CMYA5: variants seen among roughly 807,000 people sequenced by gnomAD.
CMYA5 encodes the protein cardiomyopathy associated 5.
CMYA5 carries 246 observed loss-of-function variants against 318.9 expected under a neutral mutation model. The observed-to-expected ratio is 0.77, with a 90% CI of 0.70 to 0.86. The LOEUF (loss-of-function observed/expected upper bound fraction) is 0.86. CMYA5 is among the 40% of genes least tolerant of loss of function. The pLI, the probability that CMYA5 is intolerant of heterozygous loss-of-function variation, is 0.00. For synonymous variants in CMYA5, 1,641 were observed against 1,729.5 expected, an observed-to-expected ratio of 0.95 and a Z score of 1.27; for missense variants, 4,589 against 4,678.2, an observed-to-expected ratio of 0.98 and a Z score of 0.56.
At position 79,799,432 on chromosome 5, in the gene CMYA5, TG is replaced by T; in HGVS notation, c.12029del (p.Gly4010AlafsTer51). On this transcript the variant is annotated frameshift_variant, in exon 13 of 13. Transcript: ENST00000446378. LOFTEE classifies it high-confidence loss of function. The stretch of plus-strand genomic sequence containing the variant: ...CATGTGACTGAGCGTCCAGCCAGAG[TG>T]GGCATCCTGCTGGACTACAACAACC... Reference protein sequence around the residue: ...DVHVTERPARVGILLDYNNQR... With the variant: ...DVHVTERPARXGILLDYNNQR... 6.2e-7 allele frequency: 1 copy of T among 1,613,802 alleles called. No individual in the cohort carries two copies. The highest frequency in any genetic ancestry group is 1.1e-5 in the South Asian group (1 of 91,068).
At position 79,729,747 on chromosome 5, in the gene CMYA5, G is replaced by A. The variant is rs1420138832; in HGVS notation, c.982G>A (p.Ala328Thr). 1.2e-6 allele frequency: 2 copies of A among 1,613,924 alleles called. No homozygotes were observed. Among genetic ancestry groups the A allele is most frequent in the South Asian group, 1.1e-5 (1 of 91,074 alleles). ...FSHEDQKKIY[A>T]DSPLNATSAL... ...TCATGAAGATCAAAAGAAAATTTAT[G>A]CTGATTCTCCCCTAAATGCCACATC... The change falls in exon 2 of 13, where the codon GCT becomes ACT. Residue 328 changes from alanine to threonine, a missense_variant. Transcript: ENST00000446378.
intron 6 of CMYA5, among the ~76,000 whole-genome samples, chr5:79,756,042 T>C (rs188217003): frequency 2.0e-5 from 3 of 152,268 alleles, no homozygotes; most frequent in African/African-American, 7.2e-5. Flanking sequence ...TCTCAAATAC[T>C]GCTTCAAAGA....
chr5:79,753,086 G>A (rs977982726), intron 6 of CMYA5, among the ~76,000 whole-genome samples: 1 of 151,716 alleles, frequency 6.6e-6, no homozygotes, highest in Non-Finnish European at 1.5e-5. Context: ...TTTAAAAATA[G>A]GATTTCTCTC....
intron 1 of CMYA5, among the ~76,000 whole-genome samples, chr5:79,708,262 A>G (rs966522047): frequency 1.3e-5 from 2 of 152,208 alleles, no homozygotes; most frequent in Admixed American, 6.5e-5. Flanking sequence ...AATGACACAT[A>G]GTTTCTGTCT....
intron 9 of CMYA5, among the ~76,000 whole-genome samples, chr5:79,769,695 G>A (rs554326055): frequency 3.3e-5 from 5 of 152,230 alleles, no homozygotes; most frequent in East Asian, 1.9e-4. Context: ...AGAGGCACCC[G>A]CCAGATGCCA....
chr5:79,735,275 G>A lies in CMYA5; in HGVS notation c.6510G>A (p.Lys2170=). The stretch of plus-strand genomic sequence containing the variant: ...CTAAGCCGGACCTTCCTGAGGAAAA[G>A]GGAAAGAAAGGAATTTCATCTTTCA... ...KVAKPDLPEE[K]GKKGISSFKS... is the part of the protein sequence containing the mutation. Residue 2170 remains lysine, a synonymous_variant, in exon 2 of 13, where the codon AAG becomes AAA. Coordinates refer to ENST00000446378, the MANE Select transcript of CMYA5 (RefSeq NM_153610.5). The A allele has an allele frequency of 6.2e-7, 1 of 1,613,826 alleles. No individual in the cohort carries two copies. Among genetic ancestry groups the A allele is most frequent in the South Asian group, 1.1e-5 (1 of 91,070 alleles).
intron 9 of CMYA5, among the ~76,000 whole-genome samples, chr5:79,776,536 T>C (rs1051903840): frequency 6.6e-6 from 1 of 152,146 alleles, no homozygotes; most frequent in African/African-American, 2.4e-5. Context: ...TGATTATTTT[T>C]CCCAACCTAA....
At chr5:79,708,181 G>A (rs1299446494) in intron 1 of CMYA5, among the ~76,000 whole-genome samples, 1 of 152,194 alleles carries the variant, frequency 6.6e-6, no homozygotes, top group Non-Finnish European at 1.5e-5. Flanking sequence ...AGGCTGCTCT[G>A]AAGTCAAAAA....
intron 9 of CMYA5, among the ~76,000 whole-genome samples, chr5:79,778,811 C>CTGTGTGTGTGTGTGTGTGTA (rs1554037556): frequency 8.8e-4 from 75 of 84,964 alleles, no homozygotes; most frequent in Admixed American, 2.5e-3. Context: ...CTCTCTCTTT[C>CTGTGTGTGTGTGTGTGTGTA]TGTGTGTGTG....
At chr5:79,756,271 A>G (rs1828526599) in intron 6 of CMYA5, among the ~76,000 whole-genome samples, 1 of 152,134 alleles carries the variant, frequency 6.6e-6, no homozygotes, top group African/African-American at 2.4e-5. Flanking sequence ...CTTAGCATGC[A>G]GTTCGCTCCT....
At chr5:79,757,968 G>A (rs1402869134) in intron 6 of CMYA5, among the ~76,000 whole-genome samples, 1 of 152,212 alleles carries the variant, frequency 6.6e-6, no homozygotes, top group African/African-American at 2.4e-5. Context: ...GGTGGCTCAC[G>A]CCTGTAATCC....
At chr5:79,693,412 C>T (rs1463144325) in intron 1 of CMYA5, among the ~76,000 whole-genome samples, 1 of 150,758 alleles carries the variant, frequency 6.6e-6, no homozygotes, top group African/African-American at 2.4e-5. Flanking sequence ...GTGATCACGG[C>T]TCACTGCAGC....
At chr5:79,712,827 G>C (rs953602301) in intron 1 of CMYA5, among the ~76,000 whole-genome samples, 6 of 152,084 alleles carry the variant, frequency 3.9e-5, no homozygotes, top group Admixed American at 3.9e-4. Flanking sequence ...TAACAGGTGG[G>C]GAGAAGTCTA....
chr5:79,739,970 G>A (rs749326614), intron 2 of CMYA5, among the ~76,000 whole-genome samples: 21 of 151,698 alleles, frequency 1.4e-4, no homozygotes, highest in Non-Finnish European at 2.2e-4. Flanking sequence ...GTGACAGAGT[G>A]AGACCCTGTC....
intron 5 of CMYA5, among the ~76,000 whole-genome samples, chr5:79,750,414 G>T (rs1828407750): frequency 6.6e-6 from 1 of 152,176 alleles, no homozygotes; most frequent in Non-Finnish European, 1.5e-5. Context: ...AAGGCTTCCA[G>T]TCAACAGCAG....
At chr5:79,748,283 A>G (rs1420808928) in intron 5 of CMYA5, among the ~76,000 whole-genome samples, 1 of 152,106 alleles carries the variant, frequency 6.6e-6, no homozygotes, top group African/African-American at 2.4e-5. Flanking sequence ...GGTTTATACA[A>G]TCTATCCTTC....
At chr5:79,706,901 A>G (rs1203833364) in intron 1 of CMYA5, among the ~76,000 whole-genome samples, 1 of 152,118 alleles carries the variant, frequency 6.6e-6, no homozygotes, top group Non-Finnish European at 1.5e-5. Context: ...TCCTAGGTTC[A>G]TGTTGCCATT....
rs761715202 is a variant in CMYA5, at chr5:79,763,208, A to T, written c.11554A>T (p.Arg3852Ter). ...GCACTCTCCTGAGGGAGAGGGCCTC[A>T]GGTGAGGGGCCCTCTCCATGGGAGA... ...RQHSPEGEGL[R>*]SFSGIKGLQL... The change falls in exon 9 of 13, where the codon AGA becomes TGA. Residue 3852 changes from arginine to a stop codon, truncating the protein, a stop_gained and splice_region_variant. Transcript: ENST00000446378. LOFTEE classifies it high-confidence loss of function. 18 of 1,598,542 alleles carry T rather than the reference A, an allele frequency of 1.1e-5. No individual in the cohort carries two copies. The highest frequency in any genetic ancestry group is 1.4e-5 in the Non-Finnish European group (17 of 1,173,918).
chr5:79,761,180 TA>T (rs1052520713), intron 7 of CMYA5, among the ~76,000 whole-genome samples: 15 of 152,342 alleles, frequency 9.8e-5, no homozygotes, highest in African/African-American at 3.4e-4. Context: ...CAAAGTAAGA[TA>T]TTTTTTAAAA....
Sources: gnomAD v4.1 joint callset for allele counts (sites outside exome capture counted in the v4.1 genomes callset) on GRCh38, gnomAD v4.1.1 for gene constraint, MANE v1.5 for transcripts, NCBI Gene and HGNC (gene_info 2026-07-23, HGNC 2026-07-21) for gene names.